The following COL19A1 variants were observed in gnomAD, a reference collection of about 807,000 sequenced individuals.
COL19A1 encodes the protein collagen alpha-1(XIX) chain.
Under a neutral mutation model 190.2 loss-of-function variants are expected in COL19A1, and 159 were observed. That is an observed-to-expected ratio of 0.84 (90% CI 0.73 to 0.95). COL19A1 has a LOEUF of 0.95. Among genes scored for constraint, COL19A1 ranks in the 40% least tolerant of loss-of-function variants. The pLI, the probability that COL19A1 is intolerant of heterozygous loss-of-function variation, is 0.00. For missense variants in COL19A1, 1,418 were observed against 1,431.9 expected (o/e 0.99, Z 0.16); for synonymous variants, 509 against 458.9 (o/e 1.11, Z -1.39).
chr6:70,054,841 A>G (rs552680859), intron 14 of COL19A1, among the ~76,000 whole-genome samples: 1 of 152,334 alleles, frequency 6.6e-6, no homozygotes, highest in South Asian at 2.1e-4. Flanking sequence ...TAAAGAAAAC[A>G]TAAGAATTTT....
intron 2 of COL19A1, 63 bp from the exon 3 acceptor site, chr6:69,898,885 G>A (rs1185857163): frequency 2.1e-6 from 2 of 939,086 alleles, no homozygotes; most frequent in Non-Finnish European, 3.4e-6. Flanking sequence ...GTTTCTGATT[G>A]TACTGTGTAA....
intron 22 of COL19A1, among the ~76,000 whole-genome samples, chr6:70,142,404 A>G (rs575820666): frequency 6.6e-6 from 1 of 152,294 alleles, no homozygotes; most frequent in South Asian, 2.1e-4. Flanking sequence ...CAGTTTCTAA[A>G]CCAAAATTAT....
chr6:69,972,039 TC>T (rs1775458030), intron 11 of COL19A1, among the ~76,000 whole-genome samples: 1 of 152,142 alleles, frequency 6.6e-6, no homozygotes, highest in African/African-American at 2.4e-5. Context: ...CTTCCCACAT[TC>T]CCCTTTTCTG....
At chr6:70,148,036 C>T (rs571293027) in intron 27 of COL19A1, among the ~76,000 whole-genome samples, 6 of 152,132 alleles carry the variant, frequency 3.9e-5, no homozygotes, top group African/African-American at 9.6e-5. Flanking sequence ...GTAGGAGCTT[C>T]AGTCCCCACG....
chr6:70,166,060 A>C (rs775247434), intron 37 of COL19A1, 75 bp downstream of exon 37: 1 of 1,216,270 alleles, frequency 8.2e-7, no homozygotes, highest in South Asian at 1.2e-5. Flanking sequence ...GTAAGACTAC[A>C]TTTAGATGTT....
intron 18 of COL19A1, among the ~76,000 whole-genome samples, chr6:70,134,929 C>G (rs1785750738): frequency 6.6e-6 from 1 of 152,068 alleles, no homozygotes; most frequent in Non-Finnish European, 1.5e-5. Context: ...CTCAATCCCA[C>G]AATGCTGCCT....
rs145890320 is a variant in COL19A1, at chr6:70,194,959, T to C, written c.3094+4578T>C. Reference sequence around the variant, plus strand: ...TTTCTCGATATGCATTTCATACATATATTTCATATATATATATGCATATAT... The same window carrying C: ...TTTCTCGATATGCATTTCATACATACATTTCATATATATATATGCATATAT... On this transcript the variant is annotated intron_variant, in intron 48 of 50. Transcript: ENST00000620364. 2.3e-3 allele frequency among the ~76,000 whole-genome samples: 350 copies of C among 151,652 alleles called. 2 individuals are homozygous for C. The highest frequency in any genetic ancestry group is 8.1e-3 in the African/African-American group (337 of 41,386).
chr6:69,998,173 T>C (rs1211988533), intron 11 of COL19A1, among the ~76,000 whole-genome samples: 1 of 152,262 alleles, frequency 6.6e-6, no homozygotes, highest in Non-Finnish European at 1.5e-5. Context: ...AGCAACAAAG[T>C]ATAAAATGAA....
intron 11 of COL19A1, among the ~76,000 whole-genome samples, chr6:69,997,796 G>A (rs1295479520): frequency 6.6e-6 from 1 of 152,106 alleles, no homozygotes; most frequent in Non-Finnish European, 1.5e-5. Context: ...CAGGAGAAAG[G>A]AAGAGAGAGA....
At chr6:69,953,909 C>T (rs1774266108) in intron 9 of COL19A1, among the ~76,000 whole-genome samples, 1 of 151,544 alleles carries the variant, frequency 6.6e-6, no homozygotes, top group African/African-American at 2.4e-5. Flanking sequence ...GGTGTAGATA[C>T]TGAACAGTGG....
At chr6:69,975,858 T>G (rs1775685487) in intron 11 of COL19A1, among the ~76,000 whole-genome samples, 2 of 152,166 alleles carry the variant, frequency 1.3e-5, no homozygotes, top group Admixed American at 1.3e-4. Flanking sequence ...ATGAGCGTAT[T>G]TATTTAACTA....
intron 42 of COL19A1, among the ~76,000 whole-genome samples, chr6:70,179,189 G>A (rs892141328): frequency 3.3e-5 from 5 of 152,246 alleles, no homozygotes; most frequent in South Asian, 2.1e-4. Flanking sequence ...ATTCAGCACC[G>A]TATCTCTACC....
intron 19 of COL19A1, 147 bp downstream of exon 19, chr6:70,137,894 G>A (rs1215512433): frequency 1.0e-5 from 7 of 691,714 alleles, no homozygotes; most frequent in Middle Eastern, 3.7e-4. Flanking sequence ...TACTAGCTAC[G>A]CTATGCACTA....
chr6:69,936,657 C>T, intron 7 of COL19A1, 128 bp from the exon 8 acceptor site: 1 of 1,207,234 alleles, frequency 8.3e-7, no homozygotes, highest in Non-Finnish European at 1.2e-6. Context: ...CTGGTGTTAA[C>T]TTTTGGTTAG....
intron 14 of COL19A1, among the ~76,000 whole-genome samples, chr6:70,048,872 C>T (rs562003799): frequency 7.2e-5 from 11 of 152,088 alleles, no homozygotes; most frequent in African/African-American, 2.6e-4. Context: ...GAAATAAATA[C>T]GTGCTTTGCT....
intron 2 of COL19A1, among the ~76,000 whole-genome samples, chr6:69,896,415 T>C (rs1163092777): frequency 6.6e-6 from 1 of 151,636 alleles, no homozygotes; most frequent in Non-Finnish European, 1.5e-5. Flanking sequence ...CGGGTGCCTG[T>C]AGTCCCAGCT....
At position 69,959,985 on chromosome 6, in the gene COL19A1, A is replaced by G. The variant is rs1216614504; in HGVS notation, c.937-11A>G. 4.3e-6 allele frequency: 7 copies of G among 1,612,344 alleles called. No homozygotes were observed. Among genetic ancestry groups the G allele is most frequent in the Non-Finnish European group, 5.9e-6 (7 of 1,179,162 alleles). On this transcript the variant is annotated splice_polypyrimidine_tract_variant and intron_variant, in intron 9 of 50. Coordinates refer to ENST00000620364, the MANE Select transcript of COL19A1 (RefSeq NM_001858.6). ...ATGGATCATAAACATTATTCTGTGT[A>G]CTTCTTTTAGGGTGAAAATGGTTTA...
At chr6:69,882,743 T>A (rs1486747291) in intron 2 of COL19A1, among the ~76,000 whole-genome samples, 2 of 152,328 alleles carry the variant, frequency 1.3e-5, no homozygotes, top group African/African-American at 4.8e-5. Context: ...TAACTATTCA[T>A]ATAAGCCCTT....
intron 15 of COL19A1, among the ~76,000 whole-genome samples, chr6:70,089,909 G>A (rs1782800014): frequency 6.6e-6 from 1 of 151,970 alleles, no homozygotes; most frequent in South Asian, 2.1e-4. Flanking sequence ...ACAATGGGCT[G>A]GGTAAATATC....
Sources: allele counts gnomAD v4.1 joint callset (sites outside exome capture counted in the v4.1 genomes callset), GRCh38; gene constraint gnomAD v4.1.1; transcripts MANE v1.5; gene names NCBI Gene and HGNC (gene_info 2026-07-23, HGNC 2026-07-21).